The following PSD3 variants were observed in gnomAD, a reference collection of about 807,000 sequenced individuals.
The protein encoded by PSD3 is PH and SEC7 domain-containing protein 3.
In PSD3, 49 loss-of-function variants were observed where a neutral mutation model predicts 105.5. The ratio of observed to expected loss-of-function variants is 0.46; its 90% confidence interval spans 0.37 to 0.59. The LOEUF is 0.59. Among genes scored for constraint, PSD3 ranks in the 20% least tolerant of loss-of-function variants. The pLI is 0.00. For missense variants in PSD3, 1,561 were observed against 1,263.8 expected (o/e 1.24, Z -3.57); for synonymous variants, 557 against 457.8 (o/e 1.22, Z -2.77).
intron 9 of PSD3, among the ~76,000 whole-genome samples, chr8:18,677,775 G>GC (rs1286239481): frequency 2.0e-4 from 30 of 152,236 alleles, no homozygotes; most frequent in East Asian, 1.2e-3. Context: ...ACTGTGGGAG[G>GC]CGAGGCGGCC....
At chr8:18,796,930 TTATCTCC>T (rs1398771176) in intron 8 of PSD3, among the ~76,000 whole-genome samples, 3 of 152,162 alleles carry the variant, frequency 2.0e-5, no homozygotes, top group Non-Finnish European at 2.9e-5. Flanking sequence ...ATAATTCATT[TTATCTCC>T]TGCATGATTC....
At chr8:18,814,540 T>C (rs1425075330) in intron 4 of PSD3, among the ~76,000 whole-genome samples, 3 of 152,244 alleles carry the variant, frequency 2.0e-5, no homozygotes, top group Non-Finnish European at 1.5e-5. Flanking sequence ...TCTTGTGGGA[T>C]AGCTCTCACA....
At chr8:18,948,994 A>G (rs1195966171) in intron 1 of PSD3, among the ~76,000 whole-genome samples, 1 of 151,572 alleles carries the variant, frequency 6.6e-6, no homozygotes, top group Non-Finnish European at 1.5e-5. Context: ...CAAATAAGAC[A>G]GGCAAAAGAT....
chr8:19,043,486 A>G (rs1828200847), intron 1 of PSD3, among the ~76,000 whole-genome samples: 1 of 152,198 alleles, frequency 6.6e-6, no homozygotes. Context: ...TTGCTTTTGC[A>G]GGTTACCTTT....
At chr8:18,639,424 T>G (rs1807486775) in intron 10 of PSD3, among the ~76,000 whole-genome samples, 1 of 152,208 alleles carries the variant, frequency 6.6e-6, no homozygotes, top group African/African-American at 2.4e-5. Flanking sequence ...TTCCCTTTTA[T>G]TGCTCTAGTC....
chr8:19,038,534 T>C (rs1828020698), intron 1 of PSD3, among the ~76,000 whole-genome samples: 1 of 152,214 alleles, frequency 6.6e-6, no homozygotes, highest in African/African-American at 2.4e-5. Context: ...TAGTGCAACT[T>C]ACTGCAGTCT....
chr8:19,013,509 G>T (rs969179736), intron 1 of PSD3, 54 bp downstream of exon 1: 7 of 1,578,576 alleles, frequency 4.4e-6, no homozygotes, highest in South Asian at 1.1e-5. Context: ...ACCCCACGTC[G>T]AACAGCGGCG....
chr8:18,607,791 G>A (rs1373614420), intron 11 of PSD3, among the ~76,000 whole-genome samples: 1 of 151,968 alleles, frequency 6.6e-6, no homozygotes, highest in East Asian at 1.9e-4. Flanking sequence ...AAGGGAAGAG[G>A]TTTAACTGAC....
At chr8:18,874,355 C>T (rs1284157919) in intron 2 of PSD3, among the ~76,000 whole-genome samples, 7 of 151,464 alleles carry the variant, frequency 4.6e-5, no homozygotes, top group Non-Finnish European at 8.8e-5. Context: ...TAAGTAGAGA[C>T]GGGGTTTCAT....
intron 4 of PSD3, among the ~76,000 whole-genome samples, chr8:18,821,983 C>T (rs1010294823): frequency 2.0e-5 from 3 of 151,894 alleles, no homozygotes; most frequent in South Asian, 2.1e-4. Context: ...TCTAAGCCCC[C>T]GACTGCAGAG....
rs189071627 is a variant in PSD3 at position 18,981,074 on chromosome 8, C to T, written c.21+32489G>A. ...CCTGCTCCCCTCCCCCGTGAGTTTC[C>T]CTTTGTTATGTCTGTCTTCCCTCCT... On this transcript the variant is annotated intron_variant, in intron 1 of 15. Transcript: ENST00000327040. Among the ~76,000 whole-genome samples the T allele has an allele frequency of 7.2e-5, 11 of 152,238 alleles. No individual in the cohort carries two copies. In the East Asian group the frequency reaches 1.9e-3, roughly 27 times the overall value.
At chr8:18,596,527 A>G (rs966129434) in intron 12 of PSD3, among the ~76,000 whole-genome samples, 6 of 152,062 alleles carry the variant, frequency 3.9e-5, no homozygotes, top group Non-Finnish European at 8.8e-5. Context: ...AGAGAAATGA[A>G]AAAATAAAAC....
At chr8:18,971,041 G>A (rs565764489) in intron 1 of PSD3, among the ~76,000 whole-genome samples, 1 of 151,456 alleles carries the variant, frequency 6.6e-6, no homozygotes, top group Admixed American at 6.6e-5. Context: ...ATCCACCCCA[G>A]GGAATGCATT....
intron 1 of PSD3, among the ~76,000 whole-genome samples, chr8:19,081,250 G>A (rs1432769280): frequency 6.6e-6 from 1 of 152,212 alleles, no homozygotes; most frequent in African/African-American, 2.4e-5. Context: ...CTAGAAAGCT[G>A]GCTGGACTCA....
chr8:18,705,527 T>A lies in PSD3; in HGVS notation c.2173-49842A>T, dbSNP rs536494798. On this transcript the variant is annotated intron_variant, in intron 9 of 15. Coordinates refer to ENST00000327040, the MANE Select transcript of PSD3 (RefSeq NM_015310.4). ...GCCTAGGTGACAGAGCCAGACCCTG[T>A]CTCAAGCAAAAAAAAAAAAAAAAAA... Among the ~76,000 whole-genome samples, 129 of 79,034 alleles carry A rather than the reference T, an allele frequency of 1.6e-3. 1 individual carries two copies. Among genetic ancestry groups the A allele is most frequent in the African/African-American group, 6.3e-3 (124 of 19,662 alleles). 51.8% of individuals were successfully genotyped at this position (79,034 alleles called of 152,430 possible). A position where few individuals can be genotyped will look rare whatever the true frequency, so the allele number is the denominator to read the frequency against.
chr8:18,881,817 A>G (rs10503640), intron 2 of PSD3, among the ~76,000 whole-genome samples: 26,314 of 152,190 alleles, frequency 0.17, 2,261 homozygotes, highest in South Asian at 0.28. Context: ...CTTTACAATT[A>G]TATCTCCAGA....
chr8:18,912,545 A>G (rs1820302514), intron 2 of PSD3, among the ~76,000 whole-genome samples: 1 of 152,254 alleles, frequency 6.6e-6, no homozygotes, highest in South Asian at 2.1e-4. Context: ...AATTAGGTGA[A>G]AATCTAAAAG....
intron 6 of PSD3, among the ~76,000 whole-genome samples, chr8:18,801,822 C>T (rs950706274): frequency 5.9e-5 from 9 of 151,594 alleles, no homozygotes; most frequent in East Asian, 1.9e-4. Context: ...AGTGAGACTC[C>T]GTTTCAAAAG....
chr8:18,668,198 C>T (rs1216432451), intron 9 of PSD3, among the ~76,000 whole-genome samples: 2 of 152,174 alleles, frequency 1.3e-5, no homozygotes, highest in East Asian at 1.9e-4. Context: ...CGAGGGGTTG[C>T]GGAGAGTGAG....
Sources: allele counts gnomAD v4.1 joint callset (sites outside exome capture counted in the v4.1 genomes callset), GRCh38; gene constraint gnomAD v4.1.1; transcripts MANE v1.5; gene names NCBI Gene and HGNC (gene_info 2026-07-23, HGNC 2026-07-21).